Variants in PDE4D observed in about 807,000 individuals in gnomAD.
The protein encoded by PDE4D is 3',5'-cyclic-AMP phosphodiesterase 4D.
A neutral mutation model predicts 87.4 loss-of-function variants in PDE4D; 24 were observed. The ratio of observed to expected loss-of-function variants is 0.27; its 90% CI spans 0.20 to 0.39. PDE4D has a LOEUF of 0.39. Among genes scored for constraint, PDE4D ranks in the 10% least tolerant of loss-of-function variants. The pLI is 1.00. For synonymous variants in PDE4D, 384 were observed against 383.2 expected, an observed-to-expected ratio of 1.00 and a Z score of -0.02; for missense variants, 714 against 1,041.0, an observed-to-expected ratio of 0.69 and a Z score of 4.32.
chr5:60,464,892 A>G (rs536861848), intron 1 of PDE4D, among the ~76,000 whole-genome samples: 2 of 152,302 alleles, frequency 1.3e-5, no homozygotes, highest in African/African-American at 4.8e-5. Flanking sequence ...GTGGGAAGCC[A>G]GGATTTCAAT....
At chr5:60,150,588 G>A (rs78548532) in intron 2 of PDE4D, among the ~76,000 whole-genome samples, 5,070 of 152,044 alleles carry the variant, frequency 0.033, 245 homozygotes, top group East Asian at 0.11. Flanking sequence ...AAATACTTTC[G>A]CATGGTAAAT....
At chr5:60,222,223 A>T (rs1744579421) in intron 1 of PDE4D, among the ~76,000 whole-genome samples, 1 of 152,058 alleles carries the variant, frequency 6.6e-6, no homozygotes, top group Non-Finnish European at 1.5e-5. Context: ...AGTATATGGG[A>T]TCCACATGGC....
chr5:59,605,174 A>G (rs1828019428), intron 1 of PDE4D, among the ~76,000 whole-genome samples: 1 of 152,160 alleles, frequency 6.6e-6, no homozygotes, highest in African/African-American at 2.4e-5. Flanking sequence ...TATTATGTAT[A>G]AAGACAATTA....
intron 1 of PDE4D, among the ~76,000 whole-genome samples, chr5:60,296,594 A>G (rs1281149736): frequency 2.0e-5 from 3 of 152,170 alleles, no homozygotes; most frequent in Admixed American, 1.3e-4. Flanking sequence ...CAATGAGTCA[A>G]TGTTTTCCAA....
intron 2 of PDE4D, among the ~76,000 whole-genome samples, chr5:60,052,609 T>C (rs535327655): frequency 6.6e-6 from 1 of 152,318 alleles, no homozygotes; most frequent in South Asian, 2.1e-4. Flanking sequence ...GCTGGACGCA[T>C]TCTCTTTGAA....
chr5:59,325,278 C>T (rs1036720667), intron 1 of PDE4D, among the ~76,000 whole-genome samples: 1 of 152,056 alleles, frequency 6.6e-6, no homozygotes, highest in African/African-American at 2.4e-5. Context: ...ATCAAAGATC[C>T]AAGAAAAGGT....
intron 1 of PDE4D, among the ~76,000 whole-genome samples, chr5:59,308,392 A>G (rs1771860252): frequency 6.6e-6 from 1 of 152,048 alleles, no homozygotes; most frequent in African/African-American, 2.4e-5. Context: ...CAAGATTTAG[A>G]GCTCCTTCTA....
chr5:59,150,804 A>ATTT (rs1779365697), intron 5 of PDE4D, among the ~76,000 whole-genome samples: 1 of 152,178 alleles, frequency 6.6e-6, no homozygotes, highest in Non-Finnish European at 1.5e-5. Flanking sequence ...ATTGCAACTA[A>ATTT]GGTAATTGGT....
intron 1 of PDE4D, among the ~76,000 whole-genome samples, chr5:59,829,062 A>T (rs1770662881): frequency 6.6e-6 from 1 of 152,084 alleles, no homozygotes; most frequent in Non-Finnish European, 1.5e-5. Flanking sequence ...AGAGAGATTT[A>T]CTTGTGTTGC....
chr5:59,217,585 T>C (rs1751539486), intron 1 of PDE4D, among the ~76,000 whole-genome samples: 1 of 152,182 alleles, frequency 6.6e-6, no homozygotes, highest in Non-Finnish European at 1.5e-5. Context: ...GATATATTTA[T>C]TTGGTTCAGG....
chr5:60,147,347 C>G (rs933164199), intron 2 of PDE4D, among the ~76,000 whole-genome samples: 4 of 151,980 alleles, frequency 2.6e-5, no homozygotes, highest in Non-Finnish European at 4.4e-5. Flanking sequence ...GTGTAGATCA[C>G]AATGGTGACC....
Position 59,157,276 on chromosome 5 carries a change from G to A in PDE4D, c.808+23319C>T, listed in dbSNP as rs572666144. ...TTTTCAAAGTGACTAAACAGCTGTA[G>A]TTTTCAAGGTCAGCCAAATCATCTG... On this transcript the variant is annotated intron_variant, in intron 5 of 14. Transcript: ENST00000340635. The A allele has an allele frequency of 2.1e-3, 1,454 of 702,034 alleles. 21 individuals are homozygous for A. The highest frequency in any genetic ancestry group is 0.013 in the South Asian group (901 of 67,480). 43.5% of individuals were successfully genotyped at this position (702,034 alleles called of 1,614,324 possible).
chr5:59,454,105 G>T (rs1120303), intron 1 of PDE4D, among the ~76,000 whole-genome samples: 37,525 of 152,084 alleles, frequency 0.25, 7,596 homozygotes, highest in African/African-American at 0.56. Flanking sequence ...CACATCTGTT[G>T]ACAGCATGAT....
At chr5:59,557,376 T>C (rs140034294) in intron 1 of PDE4D, among the ~76,000 whole-genome samples, 1 of 152,316 alleles carries the variant, frequency 6.6e-6, no homozygotes, top group East Asian at 1.9e-4. Context: ...TGGTATCACA[T>C]AGTGAGTTTT....
intron 2 of PDE4D, among the ~76,000 whole-genome samples, chr5:60,058,146 G>A (rs1361381116): frequency 1.3e-5 from 2 of 151,940 alleles, no homozygotes; most frequent in Non-Finnish European, 2.9e-5. Flanking sequence ...AAAGCCTCCT[G>A]AATATATAAC....
intron 3 of PDE4D, among the ~76,000 whole-genome samples, chr5:59,972,729 A>G (rs1022895198): frequency 6.6e-6 from 1 of 152,196 alleles, no homozygotes; most frequent in Non-Finnish European, 1.5e-5. Flanking sequence ...TGAGAACCTC[A>G]CTGCTCTTAG....
At chr5:59,232,535 G>C (rs1755456768) in intron 1 of PDE4D, among the ~76,000 whole-genome samples, 1 of 150,268 alleles carries the variant, frequency 6.7e-6, no homozygotes, top group South Asian at 2.1e-4. Flanking sequence ...ATAGATGCTG[G>C]TGAGGAAGTG....
At chr5:60,292,663 TA>T in intron 1 of PDE4D, among the ~76,000 whole-genome samples, 1 of 152,214 alleles carries the variant, frequency 6.6e-6, no homozygotes, top group Non-Finnish European at 1.5e-5. Flanking sequence ...GCAGATTTAA[TA>T]ACAAAAAGTA....
Position 59,180,330 on chromosome 5 carries a change from C to T in PDE4D, c.808+265G>A, listed in dbSNP as rs1230415458. The T allele has an allele frequency of 7.8e-6, 5 of 638,808 alleles. No individual in the cohort carries two copies. In the East Asian group the frequency reaches 1.5e-4, roughly 19 times the overall value. 39.6% of individuals were successfully genotyped at this position (638,808 alleles called of 1,614,324 possible). A position where few individuals can be genotyped will look rare whatever the true frequency, so the allele number is the denominator to read the frequency against. The stretch of plus-strand genomic sequence containing the variant: ...CATCATCTCTCAAAATACAAATGCC[C>T]AGAGCAATGCTCAAATGAGTATAAG... On this transcript the variant is annotated intron_variant, in intron 5 of 14. Coordinates refer to ENST00000340635, the MANE Select transcript of PDE4D (RefSeq NM_001104631.2).
Sources: allele counts gnomAD v4.1 joint callset (sites outside exome capture counted in the v4.1 genomes callset), GRCh38; gene constraint gnomAD v4.1.1; transcripts MANE v1.5; gene names NCBI Gene and HGNC (gene_info 2026-07-23, HGNC 2026-07-21).